The following ALDH1L2 variants were observed in gnomAD, a reference collection of about 807,000 sequenced individuals.
ALDH1L2 encodes the protein aldehyde dehydrogenase 1 family member L2.
ALDH1L2 carries 91 observed loss-of-function variants against 111.0 expected under a neutral mutation model. The ratio of observed to expected loss-of-function variants is 0.82; its 90% CI spans 0.69 to 0.98. ALDH1L2 has a LOEUF of 0.98. Ranked by LOEUF, ALDH1L2 falls within the 50% of genes least tolerant of loss-of-function variation. The pLI is 0.00. For synonymous variants in ALDH1L2, 374 were observed against 392.6 expected (o/e 0.95, Z 0.56); for missense variants, 995 against 1,126.8 (o/e 0.88, Z 1.67).
intron 10 of ALDH1L2, among the ~76,000 whole-genome samples, chr12:105,056,319 A>G (rs1876627936): frequency 6.6e-6 from 1 of 152,198 alleles, no homozygotes; most frequent in Non-Finnish European, 1.5e-5. Flanking sequence ...AATATCCTTC[A>G]GAAATGAAGG....
rs1874190512 is a variant in ALDH1L2 at position 105,022,084 on chromosome 12, T to G, written c.*2340A>C. Reference sequence around the variant, plus strand: ...GTGATCTAAAGCAACAGCGATGATTTTATTACTCTATGTGTTAAGTAAATC... The same window carrying G: ...GTGATCTAAAGCAACAGCGATGATTGTATTACTCTATGTGTTAAGTAAATC... On this transcript the variant is annotated 3_prime_UTR_variant, in exon 23 of 23. Transcript: ENST00000258494. 6.6e-6 allele frequency: 1 copy of G among 152,228 alleles called. No homozygotes were observed. The highest frequency in any genetic ancestry group is 2.4e-5 in the African/African-American group (1 of 41,454). 9.4% of individuals were successfully genotyped at this position (152,228 alleles called of 1,614,324 possible).
chr12:105,080,384 A>G (rs534337430), intron 1 of ALDH1L2, among the ~76,000 whole-genome samples: 2 of 152,164 alleles, frequency 1.3e-5, no homozygotes, highest in Admixed American at 1.3e-4. Context: ...GCTCATTTAT[A>G]TTTCATTTTT....
intron 1 of ALDH1L2, among the ~76,000 whole-genome samples, chr12:105,079,182 C>G (rs567934957): frequency 1.3e-5 from 2 of 152,300 alleles, no homozygotes; most frequent in East Asian, 3.9e-4. Flanking sequence ...ACCTAGCAAT[C>G]CACCTGTAGC....
intron 22 of ALDH1L2, among the ~76,000 whole-genome samples, chr12:105,026,006 T>G (rs1167395513): frequency 6.6e-6 from 1 of 152,222 alleles, no homozygotes; most frequent in Non-Finnish European, 1.5e-5. Flanking sequence ...TTGAAAGGTG[T>G]TAGTGTCACT....
chr12:105,072,764 A>G (rs1322633240), intron 2 of ALDH1L2, among the ~76,000 whole-genome samples: 1 of 152,238 alleles, frequency 6.6e-6, no homozygotes, highest in Non-Finnish European at 1.5e-5. Flanking sequence ...ACCTGAGAGC[A>G]GGAGTTCAAG....
At chr12:105,074,566 G>A (rs555741471) in intron 1 of ALDH1L2, among the ~76,000 whole-genome samples, 2 of 151,638 alleles carry the variant, frequency 1.3e-5, no homozygotes, top group East Asian at 1.9e-4. Flanking sequence ...TGCCTCCGCA[G>A]AACTCTCTCT....
At chr12:105,074,611 C>G (rs563703547) in intron 1 of ALDH1L2, among the ~76,000 whole-genome samples, 2 of 152,108 alleles carry the variant, frequency 1.3e-5, no homozygotes, top group African/African-American at 4.8e-5. Context: ...TGTGGCTCCA[C>G]GGGGATCTGA....
At chr12:105,068,278 T>C (rs1490334153) in intron 4 of ALDH1L2, among the ~76,000 whole-genome samples, 1 of 152,178 alleles carries the variant, frequency 6.6e-6, no homozygotes, top group Admixed American at 6.5e-5. Flanking sequence ...GGGATTTTTT[T>C]TTTTTTACCC....
Position 105,040,405 on chromosome 12 carries a change from C to A in ALDH1L2, c.1951+202G>T, listed in dbSNP as rs556862939. Reference sequence around the variant, plus strand: ...TTTTACATGACTGTACAACCCCCCTCCCCACTGCCACTCACCCACCACTGT... The same window carrying A: ...TTTTACATGACTGTACAACCCCCCTACCCACTGCCACTCACCCACCACTGT... On this transcript the variant is annotated intron_variant, in intron 16 of 22. Transcript: ENST00000258494. Among the ~76,000 whole-genome samples the A allele has an allele frequency of 2.6e-4, 40 of 152,262 alleles. No homozygotes were observed. Among genetic ancestry groups the A allele is most frequent in the Non-Finnish European group, 5.1e-4 (35 of 68,020 alleles).
intron 15 of ALDH1L2, among the ~76,000 whole-genome samples, chr12:105,044,918 AC>A (rs1321133909): frequency 1.3e-5 from 2 of 151,956 alleles, no homozygotes; most frequent in African/African-American, 4.8e-5. Flanking sequence ...ATAGAATGCT[AC>A]TTTTTGTGTG....
At chr12:105,068,271 A>AT (rs773030009) in intron 4 of ALDH1L2, among the ~76,000 whole-genome samples, 6,430 of 146,402 alleles carry the variant, frequency 0.044, 195 homozygotes, top group African/African-American at 0.083. Flanking sequence ...ATGTTTTGGG[A>AT]TTTTTTTTTT....
Position 105,068,789 on chromosome 12 carries a change from T to G in ALDH1L2, c.524A>C (p.Asp175Ala). The G allele has an allele frequency of 6.2e-7, 1 of 1,609,528 alleles. No homozygotes were observed. Among genetic ancestry groups the G allele is most frequent in the South Asian group, 1.1e-5 (1 of 90,106 alleles). The change falls in exon 4 of 23, where the codon GAT becomes GCT. Residue 175 changes from aspartate (D) to alanine (A), a missense_variant. Coordinates refer to ENST00000258494, the MANE Select transcript of ALDH1L2 (RefSeq NM_001034173.4). ...ATCCACTGTATCATTGGGTTCAACA[T>G]CACATGATCTCTGAAGAAGGATGGG... ...TGPILLQRSC[D>A]VEPNDTVDAL...
At chr12:105,054,143 G>A (rs7968711) in intron 10 of ALDH1L2, among the ~76,000 whole-genome samples, 19,375 of 152,000 alleles carry the variant, frequency 0.13, 1,425 homozygotes, top group East Asian at 0.23. Flanking sequence ...TAAGTAACTC[G>A]CCCAAGGTCA....
chr12:105,050,600 T>C (rs1876195826), intron 12 of ALDH1L2: 2 of 418,328 alleles, frequency 4.8e-6, no homozygotes, highest in Non-Finnish European at 9.4e-6. Flanking sequence ...CTTCTGTATT[T>C]GTAGTGGTTC....
intron 7 of ALDH1L2, 122 bp from the exon 8 acceptor site, chr12:105,061,874 G>A (rs551503248): frequency 1.8e-6 from 2 of 1,136,802 alleles, no homozygotes; most frequent in Admixed American, 4.7e-5. Flanking sequence ...GAAAAATACA[G>A]ATTAAAAGCA....
intron 15 of ALDH1L2, among the ~76,000 whole-genome samples, chr12:105,046,205 A>C (rs1258465173): frequency 3.4e-4 from 13 of 38,368 alleles, no homozygotes; most frequent in African/African-American, 1.2e-3. Context: ...ATATATATAT[A>C]TATATATATA....
intron 10 of ALDH1L2, among the ~76,000 whole-genome samples, chr12:105,056,917 A>G (rs1876663355): frequency 6.6e-6 from 1 of 151,690 alleles, no homozygotes; most frequent in East Asian, 1.9e-4. Flanking sequence ...TAGATAAATT[A>G]GACTTCATCA....
At position 105,020,548 on chromosome 12, in the gene ALDH1L2, C is replaced by T. The variant is rs1767379214; in HGVS notation, c.*3876G>A. ...TTAAAACAAGTACCTGTTCATGAAA[C>T]TTACATTCTAATGGGAAAAGATCAT... On this transcript the variant is annotated 3_prime_UTR_variant, in exon 23 of 23. Coordinates refer to ENST00000258494, the MANE Select transcript of ALDH1L2 (RefSeq NM_001034173.4). The T allele has an allele frequency of 6.6e-6, 1 of 152,174 alleles. No individual in the cohort carries two copies. The highest frequency in any genetic ancestry group is 2.1e-4 in the South Asian group (1 of 4,826). The allele number at this position is 152,174 out of a possible 1,614,324, so 9.4% of individuals were successfully genotyped here.
rs775000707 is a variant in ALDH1L2, at chr12:105,046,714, G to T, written c.1859C>A (p.Ala620Glu). The change falls in exon 15 of 23, where the codon GCA becomes GAA. Residue 620 changes from alanine to glutamate, a missense_variant. By Grantham distance (107) the Ala-to-Glu change is moderately radical (BLOSUM62 -1). Transcript: ENST00000258494. ...CCTGGCCCTTTGTGGCCTTACCTGT[G>T]CTGGCTTGAGCACTAAGGTATTGCC... is the stretch of plus-strand genomic sequence containing the variant. ...AAGNTLVLKP[A>E]QVTPLTALKF... 8 of 1,614,010 alleles carry T rather than the reference G, an allele frequency of 5.0e-6. No individual in the cohort carries two copies. The highest frequency in any genetic ancestry group is 1.1e-5 in the South Asian group (1 of 91,070).
Sources: gnomAD v4.1 joint callset for allele counts (sites outside exome capture counted in the v4.1 genomes callset) on GRCh38, gnomAD v4.1.1 for gene constraint, MANE v1.5 for transcripts, NCBI Gene and HGNC (gene_info 2026-07-23, HGNC 2026-07-21) for gene names.